The following DIAPH2 variants were observed in gnomAD, a reference collection of about 807,000 sequenced individuals.
DIAPH2 encodes the protein diaphanous related formin 2, also known as protein diaphanous homolog 2.
A neutral mutation model predicts 92.7 loss-of-function variants in DIAPH2; 35 were observed. The observed-to-expected ratio is 0.38, with a 90% confidence interval of 0.29 to 0.50. The LOEUF is 0.50. DIAPH2 is among the 20% of genes least tolerant of loss of function. DIAPH2 has a pLI of 0.94. For missense variants in DIAPH2, 701 were observed against 819.5 expected (o/e 0.86, Z 1.77); for synonymous variants, 301 against 280.4 (o/e 1.07, Z -0.73).
At chrX:97,509,715 G>A (rs2070870382) in intron 26 of DIAPH2, among the ~76,000 whole-genome samples, 2 of 104,443 alleles carry the variant, frequency 1.9e-5, no homozygotes, top group African/African-American at 7.1e-5. Flanking sequence ...GTGTCCATGT[G>A]TTCTCGTTGT....
intron 23 of DIAPH2, among the ~76,000 whole-genome samples, chrX:97,322,954 T>C (rs985633430): frequency 9.7e-6 from 1 of 103,206 alleles, no homozygotes; most frequent in Non-Finnish European, 2.0e-5. Context: ...ACCCCAGGTT[T>C]GATTGCAATG....
intron 25 of DIAPH2, among the ~76,000 whole-genome samples, chrX:97,416,393 G>A (rs988005890): frequency 1.8e-5 from 2 of 111,958 alleles, no homozygotes; most frequent in Non-Finnish European, 3.8e-5. Flanking sequence ...GCCTACTTTG[G>A]CTGCTCTACT....
intron 5 of DIAPH2, among the ~76,000 whole-genome samples, chrX:96,896,660 G>A (rs2147765147): frequency 8.9e-6 from 1 of 111,796 alleles, no homozygotes; most frequent in African/African-American, 3.2e-5. Flanking sequence ...TTTGAATAAG[G>A]CCAAAGTTAT....
chrX:96,987,372 T>G (rs746834299), intron 17 of DIAPH2, among the ~76,000 whole-genome samples: 40 of 111,676 alleles, frequency 3.6e-4, no homozygotes, highest in Non-Finnish European at 6.8e-4. Context: ...TGAATTTCTA[T>G]CATATGCCAT....
chrX:96,751,652 G>GTTTTTTTTTGTTTTTT (rs2064190634), intron 3 of DIAPH2, among the ~76,000 whole-genome samples: 1 of 60,312 alleles, frequency 1.7e-5, no homozygotes, highest in East Asian at 6.2e-4. Flanking sequence ...TCAGTGTTTT[G>GTTTTTTTTTGTTTTTT]TTTTTTTTTT....
chrX:96,991,083 C>T (rs2066066399), intron 17 of DIAPH2, among the ~76,000 whole-genome samples: 1 of 110,230 alleles, frequency 9.1e-6, no homozygotes, highest in Admixed American at 9.7e-5. Flanking sequence ...TTTATCTTCT[C>T]AATAATCCTT....
At chrX:97,000,780 A>G (rs770953042) in intron 17 of DIAPH2, among the ~76,000 whole-genome samples, 4 of 112,091 alleles carry the variant, frequency 3.6e-5, no homozygotes, top group East Asian at 2.8e-4. Flanking sequence ...TCAGTTCACC[A>G]TCTAAGCCCC....
intron 26 of DIAPH2, among the ~76,000 whole-genome samples, chrX:97,562,608 GA>G (rs1377826080): frequency 5.9e-4 from 66 of 111,555 alleles, no homozygotes; most frequent in African/African-American, 2.0e-3. Flanking sequence ...GCCAGAATTT[GA>G]GCCTAAAGCT....
intron 22 of DIAPH2, among the ~76,000 whole-genome samples, chrX:97,198,717 A>C (rs1473018213): frequency 9.0e-6 from 1 of 111,312 alleles, no homozygotes; most frequent in East Asian, 2.8e-4. Context: ...TGCTGACTAT[A>C]GACAAGTAAG....
At chrX:97,248,408 A>G (rs1008099913) in intron 23 of DIAPH2, among the ~76,000 whole-genome samples, 7 of 111,780 alleles carry the variant, frequency 6.3e-5, no homozygotes, top group Admixed American at 2.9e-4. Context: ...TTGCTAAATA[A>G]ACATTTTTTG....
At chrX:97,300,783 T>C (rs1233533993) in intron 23 of DIAPH2, among the ~76,000 whole-genome samples, 1 of 93,733 alleles carries the variant, frequency 1.1e-5, no homozygotes, top group African/African-American at 3.8e-5. Flanking sequence ...ATACAAAAAA[T>C]TAGCCGGGCA....
intron 17 of DIAPH2, among the ~76,000 whole-genome samples, chrX:96,974,976 T>C (rs1422603092): frequency 8.9e-6 from 1 of 111,872 alleles, no homozygotes; most frequent in Non-Finnish European, 1.9e-5. Context: ...TTGCTTTTAA[T>C]GTTGCTTGGA....
chrX:97,059,574 A>G (rs2066582711), intron 17 of DIAPH2, among the ~76,000 whole-genome samples: 1 of 112,498 alleles, frequency 8.9e-6, no homozygotes, highest in Admixed American at 9.4e-5. Context: ...CAAAAGTCTT[A>G]CAGGTAACAT....
Position 97,045,848 on chromosome X carries a change from A to ATTTTT in DIAPH2, c.2051-27074_2051-27070dup, listed in dbSNP as rs758666786. ...GGGTATGGTATTAGGGTATTTTAGG[A>ATTTTT]TTTTTTTTTTTTTTTTTTTTTTTGA... On this transcript the variant is annotated intron_variant, in intron 17 of 26. Transcript: ENST00000324765. Among the ~76,000 whole-genome samples, 171 of 64,413 alleles carry ATTTTT rather than the reference A, an allele frequency of 2.7e-3. 1 individual carries two copies. The highest frequency in any genetic ancestry group is 0.01 in the African/African-American group (171 of 16,629). 55.9% of individuals were successfully genotyped at this position (64,413 alleles called of 115,157 possible).
intron 22 of DIAPH2, among the ~76,000 whole-genome samples, chrX:97,211,249 G>A (rs1308167695): frequency 2.7e-5 from 3 of 111,330 alleles, no homozygotes; most frequent in Non-Finnish European, 5.7e-5. Context: ...GTTATAAGAA[G>A]TGAATATATA....
chrX:96,962,767 T>G (rs763804191), intron 16 of DIAPH2, among the ~76,000 whole-genome samples: 1 of 109,638 alleles, frequency 9.1e-6, no homozygotes, highest in South Asian at 3.9e-4. Context: ...AGTTTATTAT[T>G]GATAGGTGAG....
chrX:97,555,944 C>T (rs890947152), intron 26 of DIAPH2, among the ~76,000 whole-genome samples: 2 of 111,802 alleles, frequency 1.8e-5, no homozygotes, highest in South Asian at 3.8e-4. Flanking sequence ...TACCACAGAC[C>T]GGGGAACATT....
chrX:97,370,737 G>C (rs1316427305), intron 24 of DIAPH2, among the ~76,000 whole-genome samples: 3 of 111,835 alleles, frequency 2.7e-5, no homozygotes, highest in African/African-American at 9.7e-5. Flanking sequence ...ATCAAGCCAA[G>C]TTTTATCAAT....
At chrX:97,570,260 T>C (rs896011538) in intron 26 of DIAPH2, among the ~76,000 whole-genome samples, 1 of 101,969 alleles carries the variant, frequency 9.8e-6, no homozygotes, top group East Asian at 3.1e-4. Flanking sequence ...AGTTCTTCTC[T>C]GGTCTTTGTA....
Sources: allele counts gnomAD v4.1 joint callset (sites outside exome capture counted in the v4.1 genomes callset), GRCh38; gene constraint gnomAD v4.1.1; transcripts MANE v1.5; gene names NCBI Gene and HGNC (gene_info 2026-07-23, HGNC 2026-07-21).